ZNF654: variants seen among roughly 807,000 people sequenced by gnomAD.
ZNF654 encodes the protein zinc finger protein 654.
ZNF654 carries 19 observed loss-of-function variants against 95.3 expected under a neutral mutation model. The observed-to-expected ratio is 0.20, with a 90% CI of 0.14 to 0.29. The LOEUF is 0.29. Among genes scored for constraint, ZNF654 ranks in the 10% least tolerant of loss-of-function variants. The pLI, the probability that ZNF654 is intolerant of heterozygous loss-of-function variation, is 1.00. For missense variants in ZNF654, 1,046 were observed against 1,341.0 expected, an observed-to-expected ratio of 0.78 and a Z score of 3.44; for synonymous variants, 413 against 457.9, an observed-to-expected ratio of 0.90 and a Z score of 1.25.
In ZNF654 at chr3:88,088,129, T is replaced by A. The variant is rs140012091; in HGVS notation, c.332+1727T>A. Among the ~76,000 whole-genome samples the A allele has an allele frequency of 5.0e-4, 76 of 152,354 alleles. No individual in the cohort carries two copies. The East Asian group carries it at 0.012, about 24-fold the overall frequency. On this transcript the variant is annotated intron_variant, in intron 2 of 8. Coordinates refer to ENST00000636215, the MANE Select transcript of ZNF654 (RefSeq NM_001350134.2). ...TATAAATTAAATAACCTTGGAGCAA[T>A]GACCTTTGCATTCTGGCATTTACAG... is the stretch of plus-strand genomic sequence containing the variant.
intron 2 of ZNF654, among the ~76,000 whole-genome samples, chr3:88,112,832 G>A (rs1705171804): frequency 6.6e-6 from 1 of 151,954 alleles, no homozygotes; most frequent in Admixed American, 6.6e-5. Context: ...GACCTTGTAT[G>A]CCATTAAATT....
intron 2 of ZNF654, among the ~76,000 whole-genome samples, chr3:88,089,989 G>A (rs1708548443): frequency 6.6e-6 from 1 of 152,128 alleles, no homozygotes; most frequent in Admixed American, 6.5e-5. Context: ...TCATGCTTGT[G>A]GTGATGCTGG....
chr3:88,066,013 C>T (rs1483562124), intron 1 of ZNF654, among the ~76,000 whole-genome samples: 2 of 152,146 alleles, frequency 1.3e-5, no homozygotes, highest in African/African-American at 2.4e-5. Flanking sequence ...GGATTACAGG[C>T]ATGAGCTACC....
intron 3 of ZNF654, among the ~76,000 whole-genome samples, chr3:88,117,975 T>G (rs1378498889): frequency 6.6e-6 from 1 of 151,944 alleles, no homozygotes; most frequent in East Asian, 1.9e-4. Flanking sequence ...GAACATTTAC[T>G]ACTTTTATAA....
Position 88,059,267 on chromosome 3 carries a change from T to C in ZNF654, c.-53T>C. On this transcript the variant is annotated 5_prime_UTR_variant, in exon 1 of 9. Transcript: ENST00000636215. Reference sequence around the variant, plus strand: ...GGAGGAGGAGGTTAGCCTAGGCATCTACGGCGGCGGCGGCGGCGCAGGGGC... The same window carrying C: ...GGAGGAGGAGGTTAGCCTAGGCATCCACGGCGGCGGCGGCGGCGCAGGGGC... 2.0e-6 allele frequency: 3 copies of C among 1,531,774 alleles called. No individual in the cohort carries two copies. The highest frequency in any genetic ancestry group is 2.6e-6 in the Non-Finnish European group (3 of 1,145,706). 94.9% of individuals were successfully genotyped at this position (1,531,774 alleles called of 1,614,324 possible).
intron 2 of ZNF654, among the ~76,000 whole-genome samples, chr3:88,100,484 GAGGATTATAAATCA>G (rs1229046887): frequency 1.8e-4 from 27 of 152,114 alleles, no homozygotes; most frequent in African/African-American, 6.5e-4. Context: ...TATATACCCA[GAGGATTATAAATCA>G]TGCTGCGCAC....
intron 1 of ZNF654, among the ~76,000 whole-genome samples, chr3:88,069,555 A>G (rs1707392562): frequency 6.6e-6 from 1 of 152,234 alleles, no homozygotes; most frequent in African/African-American, 2.4e-5. Flanking sequence ...ATAACTACAC[A>G]AAACAGGACA....
In ZNF654 at chr3:88,099,918, G is replaced by A. The variant is rs1356969904; in HGVS notation, c.333-13197G>A. 3.9e-5 allele frequency among the ~76,000 whole-genome samples: 6 copies of A among 152,252 alleles called. No individual in the cohort carries two copies. The South Asian group carries it at 1.0e-3, about 26-fold the overall frequency. On this transcript the variant is annotated intron_variant, in intron 2 of 8. Transcript: ENST00000636215. ...CCATTGAGGACATAGGCATGGGCAA[G>A]GACTTCATGACTAAAACACCAAAGG...
intron 7 of ZNF654, 164 bp downstream of exon 7, chr3:88,135,366 C>T (rs1706712120): frequency 4.5e-6 from 2 of 444,446 alleles, no homozygotes; most frequent in South Asian, 9.9e-5. Flanking sequence ...ACTCCAAACT[C>T]TCAACATGGG....
Position 88,141,291 on chromosome 3 carries a change from G to A in ZNF654, c.3379+243G>A, listed in dbSNP as rs1707114859. Among the ~76,000 whole-genome samples the A allele has an allele frequency of 2.0e-5, 3 of 152,020 alleles. No homozygotes were observed. In the South Asian group the frequency reaches 6.2e-4, roughly 32 times the overall value. On this transcript the variant is annotated intron_variant, in intron 8 of 8. Transcript: ENST00000636215. ...TGCATAGGGCTTTGCCTATGAACTT[G>A]TGCAAGGCAGAACCTGAACACAGGT...
At chr3:88,069,932 G>A (rs551481731) in intron 1 of ZNF654, among the ~76,000 whole-genome samples, 1 of 152,272 alleles carries the variant, frequency 6.6e-6, no homozygotes, top group South Asian at 2.1e-4. Flanking sequence ...TGAATATCTG[G>A]AAATCCTACC....
intron 1 of ZNF654, among the ~76,000 whole-genome samples, chr3:88,082,180 G>A (rs1708112308): frequency 6.6e-6 from 1 of 150,654 alleles, no homozygotes; most frequent in African/African-American, 2.5e-5. Flanking sequence ...AGGCTGGAGT[G>A]CAGTGGTGCA....
At chr3:88,137,146 G>C (rs1368215345) in intron 7 of ZNF654, among the ~76,000 whole-genome samples, 1 of 120,284 alleles carries the variant, frequency 8.3e-6, no homozygotes, top group Non-Finnish European at 1.6e-5. Context: ...AGTGAGCTGA[G>C]ATCATGCCAT....
intron 6 of ZNF654, among the ~76,000 whole-genome samples, chr3:88,131,081 GTA>G (rs1706430180): frequency 6.6e-6 from 1 of 152,078 alleles, no homozygotes; most frequent in African/African-American, 2.4e-5. Flanking sequence ...AACCTAGATG[GTA>G]TATCCTACTG....
rs1296700384 is a variant in ZNF654 at position 88,059,349 on chromosome 3, C to G, written c.30C>G (p.Ala10=). ...CGGAGGAAGAGAGCGACCAAGAGGC[C>G]GAACGCCTCGGAGAAGAGCTTGTGG... MAEEESDQE[A]ERLGEELVAI... The change falls in exon 1 of 9, where the codon GCC becomes GCG. Residue 10 remains alanine (A), a synonymous_variant. Coordinates refer to ENST00000636215, the MANE Select transcript of ZNF654 (RefSeq NM_001350134.2). 4 of 1,534,888 alleles carry G rather than the reference C, an allele frequency of 2.6e-6. No homozygotes were observed. The African/African-American group carries it at 4.1e-5, about 16-fold the overall frequency.
chr3:88,129,743 A>G lies in ZNF654; in HGVS notation c.810A>G (p.Lys270=), dbSNP rs1267033859. The change falls in exon 6 of 9, where the codon AAA becomes AAG. Residue 270 remains lysine (K), a synonymous_variant. Coordinates refer to ENST00000636215, the MANE Select transcript of ZNF654 (RefSeq NM_001350134.2). ...SGIDIICNAE[K]EGKTMLALQL... ...TTGATATCATCTGTAATGCTGAAAA[A>G]GAAGGCAAAACTATGTTAGCCTTGC... 1.3e-6 allele frequency: 2 copies of G among 1,528,918 alleles called. No individual in the cohort carries two copies. Among genetic ancestry groups the G allele is most frequent in the Admixed American group, 2.0e-5 (1 of 50,874 alleles). 94.7% of individuals were successfully genotyped at this position (1,528,918 alleles called of 1,614,324 possible).
At chr3:88,134,247 A>ATG (rs1553700272) in intron 6 of ZNF654, among the ~76,000 whole-genome samples, 1 of 152,106 alleles carries the variant, frequency 6.6e-6, no homozygotes, top group African/African-American at 2.4e-5. Flanking sequence ...CACCCTCATG[A>ATG]TGGTAATCAA....
intron 2 of ZNF654, among the ~76,000 whole-genome samples, chr3:88,102,508 T>C (rs1479646188): frequency 6.6e-6 from 1 of 152,234 alleles, no homozygotes; most frequent in Admixed American, 6.5e-5. Flanking sequence ...GTGATGAAGG[T>C]CTTTTTGTGT....
At chr3:88,111,536 T>C (rs1705089408) in intron 2 of ZNF654, among the ~76,000 whole-genome samples, 1 of 152,022 alleles carries the variant, frequency 6.6e-6, no homozygotes, top group Non-Finnish European at 1.5e-5. Context: ...TCACTAATGT[T>C]CCGTTAATAT....
Sources: allele counts gnomAD v4.1 joint callset (sites outside exome capture counted in the v4.1 genomes callset), GRCh38; gene constraint gnomAD v4.1.1; transcripts MANE v1.5; gene names NCBI Gene and HGNC (gene_info 2026-07-23, HGNC 2026-07-21).